Variants in RAB18 observed in about 807,000 individuals in gnomAD.
RAB18 encodes ras-related protein Rab-18.
A neutral mutation model predicts 28.5 loss-of-function variants in RAB18; 10 were observed. That is an observed-to-expected ratio of 0.35 (90% CI 0.22 to 0.60). The LOEUF (loss-of-function observed/expected upper bound fraction) is 0.60, where lower values mean the gene tolerates loss of function less well. Ranked by LOEUF, RAB18 falls within the 20% of genes least tolerant of loss-of-function variation. RAB18 has a pLI of 0.78. For synonymous variants in RAB18, 93 were observed against 86.9 expected, an observed-to-expected ratio of 1.07 and a Z score of -0.39; for missense variants, 188 against 244.2, an observed-to-expected ratio of 0.77 and a Z score of 1.53.
At chr10:27,533,230 A>T (rs756847527) in intron 4 of RAB18, among the ~76,000 whole-genome samples, 8 of 152,110 alleles carry the variant, frequency 5.3e-5, no homozygotes, top group Non-Finnish European at 1.0e-4. Context: ...GCAGAATGAC[A>T]TAAGATGAAA....
Position 27,532,509 on chromosome 10 carries a change from T to C in RAB18, c.189T>C (p.Asp63=). The C allele has an allele frequency of 6.3e-7, 1 of 1,596,430 alleles. No individual in the cohort carries two copies. Among genetic ancestry groups the C allele is most frequent in the Non-Finnish European group, 8.6e-7 (1 of 1,165,222 alleles). The part of the protein sequence containing the change: ...DGNKAKLAIW[D]TAGQERFRTL... ...TTAATAATAATGATCATTTTTAGGA[T>C]ACTGCTGGTCAAGAGAGGTTTAGAA... Residue 63 remains aspartate, a splice_region_variant and synonymous_variant, in exon 4 of 7, where the codon GAT becomes GAC. Coordinates refer to ENST00000356940, the MANE Select transcript of RAB18 (RefSeq NM_021252.5).
chr10:27,509,803 T>C (rs1834289060), intron 1 of RAB18, 72 bp from the exon 2 acceptor site: 16 of 1,258,546 alleles, frequency 1.3e-5, no homozygotes, highest in Non-Finnish European at 1.7e-5. Context: ...TGTGACCAAA[T>C]AATCATGAAC....
intron 3 of RAB18, among the ~76,000 whole-genome samples, chr10:27,530,585 CATAAT>C (rs979928906): frequency 4.0e-5 from 6 of 151,836 alleles, no homozygotes; most frequent in Admixed American, 3.9e-4. Flanking sequence ...GATACGTTCT[CATAAT>C]GATTTGTCAT....
At chr10:27,522,891 GT>G (rs1382746875) in intron 2 of RAB18, among the ~76,000 whole-genome samples, 5 of 151,046 alleles carry the variant, frequency 3.3e-5, no homozygotes, top group Admixed American at 3.3e-4. Flanking sequence ...GATTTTTTTT[GT>G]CTTCTTTTTC....
At position 27,542,080 on chromosome 10, in the gene RAB18, C is replaced by T. The variant is rs939718618; in HGVS notation, c.*4029C>T. On this transcript the variant is annotated 3_prime_UTR_variant, in exon 7 of 7. Coordinates refer to ENST00000356940, the MANE Select transcript of RAB18 (RefSeq NM_021252.5). ...GTCACATTCTGAACTTGCTGCAGCTCGTTTTTCTAATATAAAGGAACCAGC... is the reference window on the plus strand; with the variant it reads ...GTCACATTCTGAACTTGCTGCAGCTTGTTTTTCTAATATAAAGGAACCAGC... The T allele has an allele frequency of 1.8e-5, 8 of 453,844 alleles. No individual in the cohort carries two copies. In the East Asian group the frequency reaches 4.2e-4, roughly 24 times the overall value. The allele number at this position is 453,844 out of a possible 1,614,324, so 28.1% of individuals were successfully genotyped here. A position where few individuals can be genotyped will look rare whatever the true frequency, so the allele number is the denominator to read the frequency against.
chr10:27,517,032 T>C (rs1256835396), intron 2 of RAB18, among the ~76,000 whole-genome samples: 3 of 152,124 alleles, frequency 2.0e-5, no homozygotes, highest in Non-Finnish European at 4.4e-5. Context: ...GCACCAAACA[T>C]AGAAGCTCTC....
intron 2 of RAB18, among the ~76,000 whole-genome samples, chr10:27,524,621 C>G (rs897417096): frequency 6.6e-6 from 1 of 152,144 alleles, no homozygotes; most frequent in Non-Finnish European, 1.5e-5. Context: ...CAAGGAAAAG[C>G]TGAGATGACA....
chr10:27,540,464 A>T lies in RAB18; in HGVS notation c.*2413A>T. ...AACACAACCAAGTTAAGGCAGTTCCACTATTTCTTTATCACTCTTTTGTTA... is the reference window on the plus strand; with the variant it reads ...AACACAACCAAGTTAAGGCAGTTCCTCTATTTCTTTATCACTCTTTTGTTA... On this transcript the variant is annotated 3_prime_UTR_variant, in exon 7 of 7. Transcript: ENST00000356940. 2.2e-6 allele frequency: 1 copy of T among 454,040 alleles called. No homozygotes were observed. The highest frequency in any genetic ancestry group is 4.4e-6 in the Non-Finnish European group (1 of 226,760). The allele number at this position is 454,040 out of a possible 1,614,324, so 28.1% of individuals were successfully genotyped here.
chr10:27,514,499 G>C (rs906887229), intron 2 of RAB18, among the ~76,000 whole-genome samples: 10 of 152,036 alleles, frequency 6.6e-5, no homozygotes, highest in African/African-American at 2.2e-4. Context: ...AAATTGAAAG[G>C]ATCACATAGA....
intron 1 of RAB18, among the ~76,000 whole-genome samples, chr10:27,505,454 A>G (rs954437799): frequency 1.3e-5 from 2 of 152,228 alleles, no homozygotes; most frequent in African/African-American, 4.8e-5. Flanking sequence ...ACTAGAATGA[A>G]AGCTCTCCTC....
At chr10:27,517,101 A>G (rs747441464) in intron 2 of RAB18, among the ~76,000 whole-genome samples, 13 of 152,166 alleles carry the variant, frequency 8.5e-5, no homozygotes, top group Non-Finnish European at 1.9e-4. Flanking sequence ...AGTGACTCAC[A>G]CCTGTAATCC....
intron 1 of RAB18, 29 bp downstream of exon 1, chr10:27,504,466 G>C: frequency 6.4e-7 from 1 of 1,555,126 alleles, no homozygotes; most frequent in Non-Finnish European, 8.7e-7. Flanking sequence ...TCGTGACGAG[G>C]GTGGCTGGGC....
intron 2 of RAB18, among the ~76,000 whole-genome samples, chr10:27,516,767 A>T (rs2138987965): frequency 6.6e-6 from 1 of 152,310 alleles, no homozygotes; most frequent in African/African-American, 2.4e-5. Flanking sequence ...GCAGTAAAAA[A>T]ATATGTTAAT....
Position 27,540,041 on chromosome 10 carries a change from GA to G in RAB18, c.*1992del, listed in dbSNP as rs758439426. ...TTTGTTAATTCTTTTCAGAATCATT[GA>G]AGCAGTCTTAAAGGGTCTTTTGCAG... On this transcript the variant is annotated 3_prime_UTR_variant, in exon 7 of 7. Coordinates refer to ENST00000356940, the MANE Select transcript of RAB18 (RefSeq NM_021252.5). 85 of 453,876 alleles carry G rather than the reference GA, an allele frequency of 1.9e-4. 1 individual carries two copies. Among genetic ancestry groups the G allele is most frequent in the Admixed American group, 1.0e-3 (43 of 42,538 alleles). The allele number at this position is 453,876 out of a possible 1,614,324, so 28.1% of individuals were successfully genotyped here.
intron 2 of RAB18, among the ~76,000 whole-genome samples, chr10:27,526,192 T>G (rs1834668091): frequency 6.6e-6 from 1 of 152,242 alleles, no homozygotes; most frequent in Non-Finnish European, 1.5e-5. Context: ...CTCTTTCACT[T>G]ATGAAGATTC....
At chr10:27,505,608 GGA>G (rs1837807064) in intron 1 of RAB18, among the ~76,000 whole-genome samples, 2 of 152,156 alleles carry the variant, frequency 1.3e-5, no homozygotes, top group Admixed American at 1.3e-4. Flanking sequence ...TTGCCAGGCT[GGA>G]GTGCAGTGGC....
chr10:27,526,988 T>G (rs757732393), intron 3 of RAB18, 99 bp downstream of exon 3: 1 of 1,261,292 alleles, frequency 7.9e-7, no homozygotes, highest in Non-Finnish European at 1.2e-6. Flanking sequence ...GAATGAACAA[T>G]TTGTATTAAA....
chr10:27,537,423 G>T (rs548739758), intron 6 of RAB18, among the ~76,000 whole-genome samples: 82 of 152,278 alleles, frequency 5.4e-4, no homozygotes, highest in Non-Finnish European at 8.7e-4. Flanking sequence ...TTTCATGGTG[G>T]TTTGTCATTT....
chr10:27,507,520 T>A (rs971097615), intron 1 of RAB18, among the ~76,000 whole-genome samples: 2 of 150,574 alleles, frequency 1.3e-5, no homozygotes, highest in Non-Finnish European at 1.5e-5. Flanking sequence ...TCTAAATTGC[T>A]GTCCCTCCTT....
Sources: allele counts gnomAD v4.1 joint callset (sites outside exome capture counted in the v4.1 genomes callset), GRCh38; gene constraint gnomAD v4.1.1; transcripts MANE v1.5; gene names NCBI Gene and HGNC (gene_info 2026-07-23, HGNC 2026-07-21).